The following SLC8B1 variants were observed in gnomAD, a reference collection of about 807,000 sequenced individuals.
SLC8B1 encodes the protein solute carrier family 8 member B1, also known as mitochondrial sodium/calcium exchanger protein.
SLC8B1 carries 52 observed loss-of-function variants against 63.4 expected under a neutral mutation model. That is an observed-to-expected ratio of 0.82 (90% CI 0.66 to 1.03). The LOEUF (loss-of-function observed/expected upper bound fraction) is 1.03. Among genes scored for constraint, SLC8B1 ranks in the 50% least tolerant of loss-of-function variants. The probability of loss-of-function intolerance (pLI) is 0.00; values close to 1 mark genes in which losing one functional copy is unlikely to be tolerated. For missense variants in SLC8B1, 657 were observed against 741.7 expected, an observed-to-expected ratio of 0.89 and a Z score of 1.33; for synonymous variants, 336 against 323.9, an observed-to-expected ratio of 1.04 and a Z score of -0.40.
chr12:113,318,504 CATGT>C (rs1267451874), intron 8 of SLC8B1, among the ~76,000 whole-genome samples: 7 of 149,966 alleles, frequency 4.7e-5, no homozygotes, highest in South Asian at 2.1e-4. Context: ...TGTGTGTGTG[CATGT>C]ATGTGTATGT....
At chr12:113,330,615 A>G (rs1430418509) in intron 2 of SLC8B1, among the ~76,000 whole-genome samples, 1 of 152,214 alleles carries the variant, frequency 6.6e-6, no homozygotes, top group Non-Finnish European at 1.5e-5. Context: ...ATGATCTCCC[A>G]GTTTTCCTGC....
At chr12:113,321,649 G>C (rs1367240009) in intron 2 of SLC8B1, among the ~76,000 whole-genome samples, 1 of 151,968 alleles carries the variant, frequency 6.6e-6, no homozygotes, top group Non-Finnish European at 1.5e-5. Context: ...ACCATAATTA[G>C]TTTGAAGCAC....
chr12:113,304,981 C>G (rs1161907081), intron 14 of SLC8B1, among the ~76,000 whole-genome samples: 1 of 152,212 alleles, frequency 6.6e-6, no homozygotes, highest in Non-Finnish European at 1.5e-5. Context: ...TGAGGAGACC[C>G]TATCTTTTTA....
At chr12:113,330,050 C>T (rs1186578151) in intron 2 of SLC8B1, among the ~76,000 whole-genome samples, 2 of 152,168 alleles carry the variant, frequency 1.3e-5, no homozygotes, top group African/African-American at 4.8e-5. Flanking sequence ...GTCATGTCCT[C>T]AGAGAGGCCT....
In SLC8B1 at chr12:113,316,586, G is replaced by A; in HGVS notation, c.933C>T (p.Pro311=). ...TAQILVRALN[P]LDYMKWRRKS... ...TCCTTCTCCACTTCATGTAATCCAGGGGATTGAGGGCCCGGACCAGGATCT... is the reference window on the plus strand; with the variant it reads ...TCCTTCTCCACTTCATGTAATCCAGAGGATTGAGGGCCCGGACCAGGATCT... Residue 311 remains proline (P), a synonymous_variant, in exon 10 of 16, where the codon CCC becomes CCT. Transcript: ENST00000680972. The A allele has an allele frequency of 6.2e-7, 1 of 1,614,212 alleles. No individual in the cohort carries two copies. The highest frequency in any genetic ancestry group is 1.1e-5 in the South Asian group (1 of 91,086).
At chr12:113,333,025 C>T in intron 1 of SLC8B1, 65 bp from the exon 2 acceptor site, 7 of 976,514 alleles carry the variant, frequency 7.2e-6, no homozygotes, top group Non-Finnish European at 1.0e-5. Flanking sequence ...GCAAAAGGGG[C>T]TGGAAGACTC....
chr12:113,315,355 A>G lies in SLC8B1; in HGVS notation c.1115T>C (p.Leu372Pro). 1 of 1,551,208 alleles carries G rather than the reference A, an allele frequency of 6.4e-7. No individual in the cohort carries two copies. Among genetic ancestry groups the G allele is most frequent in the South Asian group, 1.2e-5 (1 of 83,596 alleles). ...HLVISPLVVVLTLQSGTYGVY... is the reference protein window; with the variant it reads ...HLVISPLVVVPTLQSGTYGVY... The stretch of plus-strand genomic sequence containing the variant: ...CTCACAGGTCCCCGACTGCAGGGTC[A>G]GGACCACAACCAGGGGGCTGATAAC... The change falls in exon 11 of 16, where the codon CTG becomes CCG. Residue 372 changes from leucine to proline, a missense_variant. By Grantham distance (98) the Leu-to-Pro change is moderately conservative. Transcript: ENST00000680972.
intron 14 of SLC8B1, 150 bp from the exon 15 acceptor site, chr12:113,304,535 C>T: frequency 1.6e-6 from 1 of 638,184 alleles, no homozygotes; most frequent in Non-Finnish European, 2.8e-6. Flanking sequence ...CCTGTAATCC[C>T]AGCACTTTGG....
chr12:113,306,875 C>T, intron 13 of SLC8B1: 1 of 444,724 alleles, frequency 2.2e-6, no homozygotes, highest in Non-Finnish European at 4.0e-6. Context: ...CTTTGGGAGG[C>T]CAAGATAGAT....
chr12:113,307,074 GCA>G (rs1304786852), intron 13 of SLC8B1, among the ~76,000 whole-genome samples: 1 of 113,484 alleles, frequency 8.8e-6, no homozygotes, highest in Admixed American at 1.3e-4. Context: ...TCACACCATT[GCA>G]CTCCAGCCTG....
chr12:113,325,627 C>A (rs1956987718), intron 2 of SLC8B1, among the ~76,000 whole-genome samples: 1 of 151,244 alleles, frequency 6.6e-6, no homozygotes. Context: ...TGCAGTGGCG[C>A]TATCTCGGCT....
In SLC8B1 at chr12:113,299,702, C is replaced by T. The variant is rs555504838; in HGVS notation, c.*75G>A. On this transcript the variant is annotated 3_prime_UTR_variant, in exon 16 of 16. Coordinates refer to ENST00000680972, the MANE Select transcript of SLC8B1 (RefSeq NM_001358345.2). ...CCACAAGGGCCTTGCAGAAATGCTC[C>T]GGTCCCTGGGCCTCCCCCGGCAGGA... 14 of 1,473,780 alleles carry T rather than the reference C, an allele frequency of 9.5e-6. No individual in the cohort carries two copies. The highest frequency in any genetic ancestry group is 2.8e-5 in the African/African-American group (2 of 71,960). The allele number at this position is 1,473,780 out of a possible 1,614,324, so 91.3% of individuals were successfully genotyped here.
At chr12:113,325,506 C>A (rs549975381) in intron 2 of SLC8B1, among the ~76,000 whole-genome samples, 137 of 152,268 alleles carry the variant, frequency 9.0e-4, no homozygotes, top group African/African-American at 3.2e-3. Context: ...AAGCCATCCT[C>A]CCACCTCAGC....
At position 113,310,250 on chromosome 12, in the gene SLC8B1, G is replaced by A. The variant is rs1555274422; in HGVS notation, c.1241C>T (p.Pro414Leu). Residue 414 changes from proline (P) to leucine (L), a missense_variant, in exon 12 of 16, where the codon CCC becomes CTC. Coordinates refer to ENST00000680972, the MANE Select transcript of SLC8B1 (RefSeq NM_001358345.2). ...GCTTCTTACCCAGTGAAGCCTGGGG[G>A]GCTGGCTGTCAGATGTGGCAAAAAA... ...VTFFATSDSQPPRLHWLFAFL... is the reference protein window; with the variant it reads ...VTFFATSDSQLPRLHWLFAFL... The A allele has an allele frequency of 1.2e-6, 2 of 1,613,942 alleles. No individual in the cohort carries two copies. Among genetic ancestry groups the A allele is most frequent in the East Asian group, 2.2e-5 (1 of 44,874 alleles).
intron 8 of SLC8B1, among the ~76,000 whole-genome samples, chr12:113,317,462 C>G (rs1297495539): frequency 1.3e-5 from 2 of 152,214 alleles, no homozygotes; most frequent in Non-Finnish European, 1.5e-5. Context: ...CAGTGAAAGT[C>G]TAATTCACCA....
Position 113,300,431 on chromosome 12 carries a change from C to T in SLC8B1, c.1558-457G>A, listed in dbSNP as rs186639899. Among the ~76,000 whole-genome samples, 218 of 152,174 alleles carry T rather than the reference C, an allele frequency of 1.4e-3. 2 individuals are homozygous for T. The highest frequency in any genetic ancestry group is 5.0e-3 in the African/African-American group (208 of 41,508). On this transcript the variant is annotated intron_variant, in intron 15 of 15. Coordinates refer to ENST00000680972, the MANE Select transcript of SLC8B1 (RefSeq NM_001358345.2). ...TCAGGAGGCGGAGGTTGCAGTAAGC[C>T]GACATCGTGCTACTGCACTCCAGCT...
chr12:113,331,387 A>G lies in SLC8B1; in HGVS notation c.156+1336T>C, dbSNP rs1330614592. ...TGGGTATAGAGTGAGACTGTTCTCG[A>G]AAAAAAAAAAAAAAAAAAAAATTGA... On this transcript the variant is annotated intron_variant, in intron 2 of 15. Transcript: ENST00000680972. Among the ~76,000 whole-genome samples the G allele has an allele frequency of 1.3e-4, 12 of 91,802 alleles. No homozygotes were observed. The East Asian group carries it at 1.6e-3, about 12-fold the overall frequency. 60.2% of individuals were successfully genotyped at this position (91,802 alleles called of 152,430 possible). A position where few individuals can be genotyped will look rare whatever the true frequency, so the allele number is the denominator to read the frequency against.
rs946254701 is a variant in SLC8B1 at position 113,334,849 on chromosome 12, G to C, written c.-489C>G. The C allele has an allele frequency of 2.0e-5, 3 of 152,284 alleles. No individual in the cohort carries two copies. Among genetic ancestry groups the C allele is most frequent in the African/African-American group, 7.2e-5 (3 of 41,480 alleles). 9.4% of individuals were successfully genotyped at this position (152,284 alleles called of 1,614,324 possible). A position where few individuals can be genotyped will look rare whatever the true frequency, so the allele number is the denominator to read the frequency against. ...ATGGTCGCCGACCTGCTAAGGGACA[G>C]GGGCGGGAAATCGGGGCTGCGCTTC... is the stretch of plus-strand genomic sequence containing the variant. On this transcript the variant is annotated 5_prime_UTR_variant, in exon 1 of 16. Coordinates refer to ENST00000680972, the MANE Select transcript of SLC8B1 (RefSeq NM_001358345.2).
intron 2 of SLC8B1, among the ~76,000 whole-genome samples, chr12:113,324,915 G>T (rs1956978693): frequency 6.6e-6 from 1 of 152,074 alleles, no homozygotes; most frequent in Non-Finnish European, 1.5e-5. Flanking sequence ...TGTTGGCCAG[G>T]CTGGTCTTGA....
Sources: allele counts gnomAD v4.1 joint callset (sites outside exome capture counted in the v4.1 genomes callset), GRCh38; gene constraint gnomAD v4.1.1; transcripts MANE v1.5; gene names NCBI Gene and HGNC (gene_info 2026-07-23, HGNC 2026-07-21).